Variants in SGCG observed in about 807,000 individuals in gnomAD.
SGCG encodes the protein gamma-sarcoglycan.
A neutral mutation model predicts 29.3 loss-of-function variants in SGCG; 26 were observed. The observed-to-expected ratio is 0.89, with a 90% CI of 0.65 to 1.23. The LOEUF is 1.23. Among genes scored for constraint, SGCG ranks in the 50% most tolerant of loss-of-function variants. SGCG has a pLI of 0.00. For synonymous variants in SGCG, 145 were observed against 129.7 expected (o/e 1.12, Z -0.80); for missense variants, 353 against 356.0 (o/e 0.99, Z 0.07).
chr13:23,190,706 T>C (rs1305446846), intron 1 of SGCG, among the ~76,000 whole-genome samples: 1 of 152,230 alleles, frequency 6.6e-6, no homozygotes, highest in Non-Finnish European at 1.5e-5. Flanking sequence ...ATTGACCCAC[T>C]ATATTTACAA....
chr13:23,185,470 G>A (rs1480612684), intron 1 of SGCG, among the ~76,000 whole-genome samples: 3 of 152,198 alleles, frequency 2.0e-5, no homozygotes, highest in African/African-American at 4.8e-5. Flanking sequence ...GATTACAGGC[G>A]TGAGCCACTG....
intron 4 of SGCG, 128 bp from the exon 5 acceptor site, chr13:23,279,231 C>T: frequency 1.2e-6 from 1 of 822,914 alleles, no homozygotes; most frequent in Non-Finnish European, 2.0e-6. Context: ...CAATCAATAC[C>T]ACTAATGGTA....
chr13:23,235,551 TAAG>T (rs991602660), intron 3 of SGCG, among the ~76,000 whole-genome samples: 8 of 152,226 alleles, frequency 5.3e-5, no homozygotes, highest in African/African-American at 1.9e-4. Context: ...ATGGAGCTTA[TAAG>T]AAGGACAGCC....
chr13:23,237,813 A>G (rs894090221), intron 3 of SGCG, among the ~76,000 whole-genome samples: 4 of 144,512 alleles, frequency 2.8e-5, no homozygotes, highest in African/African-American at 5.1e-5. Context: ...AAAAAAAAAA[A>G]GCCCAATAAA....
chr13:23,200,614 C>A (rs1460550314), intron 1 of SGCG, among the ~76,000 whole-genome samples: 9 of 151,840 alleles, frequency 5.9e-5, no homozygotes, highest in Non-Finnish European at 1.3e-4. Context: ...TGAGCATTTA[C>A]AATAAAATAT....
chr13:23,257,095 T>C (rs1880217518), intron 4 of SGCG, among the ~76,000 whole-genome samples: 1 of 152,128 alleles, frequency 6.6e-6, no homozygotes, highest in African/African-American at 2.4e-5. Context: ...ATGGTATCTC[T>C]TTGTGGTTTT....
chr13:23,225,483 A>T (rs1339267098), intron 2 of SGCG, among the ~76,000 whole-genome samples: 2 of 152,134 alleles, frequency 1.3e-5, no homozygotes, highest in African/African-American at 4.8e-5. Context: ...ATTTTATCCA[A>T]TGGGCTCTCA....
chr13:23,279,225 C>A, intron 4 of SGCG, 134 bp from the exon 5 acceptor site: 1 of 776,662 alleles, frequency 1.3e-6, no homozygotes. Flanking sequence ...CAGAATCAAT[C>A]AATACCACTA....
At chr13:23,298,279 C>T (rs953790758) in intron 6 of SGCG, among the ~76,000 whole-genome samples, 2 of 152,048 alleles carry the variant, frequency 1.3e-5, no homozygotes, top group African/African-American at 4.8e-5. Flanking sequence ...TTGCTTGAAC[C>T]TGGGAGGCAG....
At chr13:23,211,825 C>G (rs1258439200) in intron 2 of SGCG, among the ~76,000 whole-genome samples, 3 of 152,168 alleles carry the variant, frequency 2.0e-5, no homozygotes, top group Non-Finnish European at 4.4e-5. Flanking sequence ...AGAGCATCCA[C>G]TCCAACCCAG....
At position 23,242,271 on chromosome 13, in the gene SGCG, AT is replaced by A. The variant is rs572840532; in HGVS notation, c.297+7561del. Among the ~76,000 whole-genome samples, 548 of 152,276 alleles carry A rather than the reference AT, an allele frequency of 3.6e-3. 2 individuals carry two copies. Among genetic ancestry groups the A allele is most frequent in the Non-Finnish European group, 6.6e-3 (446 of 67,986 alleles). ...ATTAGGTTCAAGTTGGAAGTAGTTA[AT>A]TATGTATATAAATGAAGTGGTGAAT... On this transcript the variant is annotated intron_variant, in intron 3 of 7. Coordinates refer to ENST00000218867, the MANE Select transcript of SGCG (RefSeq NM_000231.3).
intron 1 of SGCG, among the ~76,000 whole-genome samples, chr13:23,202,385 G>C (rs1877802166): frequency 1.3e-5 from 2 of 152,190 alleles, no homozygotes; most frequent in African/African-American, 2.4e-5. Context: ...ACCTAAACTA[G>C]TGTGGTAGCA....
Position 23,234,593 on chromosome 13 carries a change from C to CTTT in SGCG, c.196-8_196-6dup. ...AGCAATAAAAATATACGCATTGTCT[C>CTTT]TTTTTTTTTTTTAACAGGCAGGAAT... On this transcript the variant is annotated splice_polypyrimidine_tract_variant and intron_variant, in intron 2 of 7. Transcript: ENST00000218867. 2.4e-6 allele frequency: 3 copies of CTTT among 1,244,688 alleles called. No individual in the cohort carries two copies. Among genetic ancestry groups the CTTT allele is most frequent in the Non-Finnish European group, 3.4e-6 (3 of 882,480 alleles). 77.1% of individuals were successfully genotyped at this position (1,244,688 alleles called of 1,614,324 possible).
chr13:23,190,528 T>C (rs12859853), intron 1 of SGCG, among the ~76,000 whole-genome samples: 92,607 of 151,994 alleles, frequency 0.61, 29,225 homozygotes, highest in African/African-American at 0.78. Flanking sequence ...CAGACACATA[T>C]GCTACCTGCA....
chr13:23,225,288 A>G (rs1452710029), intron 2 of SGCG, among the ~76,000 whole-genome samples: 1 of 152,186 alleles, frequency 6.6e-6, no homozygotes, highest in African/African-American at 2.4e-5. Context: ...TTGAAACATT[A>G]TTTTGTATTA....
At chr13:23,322,283 A>G (rs1399776411) in intron 7 of SGCG, among the ~76,000 whole-genome samples, 2 of 152,330 alleles carry the variant, frequency 1.3e-5, no homozygotes, top group East Asian at 1.9e-4. Context: ...ACCCAGAGCC[A>G]TGGAACAGGA....
intron 3 of SGCG, among the ~76,000 whole-genome samples, chr13:23,238,278 T>C (rs189246526): frequency 6.6e-6 from 1 of 152,314 alleles, no homozygotes; most frequent in East Asian, 1.9e-4. Context: ...GGCGGAGTAC[T>C]GCAGAGGAGG....
intron 3 of SGCG, among the ~76,000 whole-genome samples, chr13:23,242,228 A>C (rs562371310): frequency 2.0e-5 from 3 of 152,312 alleles, no homozygotes; most frequent in African/African-American, 7.2e-5. Context: ...TGATTAAATT[A>C]GTTTCTGCCA....
chr13:23,208,426 G>T (rs1046191371), intron 2 of SGCG, among the ~76,000 whole-genome samples: 14 of 152,020 alleles, frequency 9.2e-5, no homozygotes, highest in Admixed American at 9.2e-4. Flanking sequence ...AGACGAGAAA[G>T]CCAGTAAAAC....
Sources: allele counts gnomAD v4.1 joint callset (sites outside exome capture counted in the v4.1 genomes callset), GRCh38; gene constraint gnomAD v4.1.1; transcripts MANE v1.5; gene names NCBI Gene and HGNC (gene_info 2026-07-23, HGNC 2026-07-21).